TENM4: variants seen among roughly 807,000 people sequenced by gnomAD.
TENM4 encodes teneurin transmembrane protein 4.
In TENM4, 82 loss-of-function variants were observed where a neutral mutation model predicts 243.3. That is an observed-to-expected ratio of 0.34 (90% CI 0.28 to 0.40). The LOEUF is 0.40. TENM4 is among the 10% of genes least tolerant of loss of function. The pLI is 1.00. For missense variants in TENM4, 3,138 were observed against 3,673.3 expected (o/e 0.85, Z 3.77); for synonymous variants, 1,412 against 1,456.3 (o/e 0.97, Z 0.69).
At chr11:79,239,018 C>G (rs1864536547) in intron 2 of TENM4, among the ~76,000 whole-genome samples, 1 of 141,740 alleles carries the variant, frequency 7.1e-6, no homozygotes, top group Admixed American at 7.1e-5. Context: ...GAGCAAGACT[C>G]TGTCTCAAAC....
chr11:78,975,269 C>T lies in TENM4; in HGVS notation c.494-71746G>A, dbSNP rs560774490. 4.6e-5 allele frequency among the ~76,000 whole-genome samples: 7 copies of T among 152,036 alleles called. No individual in the cohort carries two copies. In the South Asian group the frequency reaches 1.5e-3, roughly 32 times the overall value. On this transcript the variant is annotated intron_variant, in intron 6 of 33. Transcript: ENST00000278550. ...TGTCTCACAGATTGTTCTAACCTTGCCCACGCGCTGCCTCCAGAGGGGTGT... is the reference window on the plus strand; with the variant it reads ...TGTCTCACAGATTGTTCTAACCTTGTCCACGCGCTGCCTCCAGAGGGGTGT...
intron 3 of TENM4, among the ~76,000 whole-genome samples, chr11:79,160,441 C>A (rs553664592): frequency 2.6e-5 from 4 of 152,012 alleles, no homozygotes; most frequent in African/African-American, 9.7e-5. Flanking sequence ...AGTCAGAGCT[C>A]GGGGGACTTG....
At chr11:78,736,316 C>T (rs563282318) in intron 20 of TENM4, among the ~76,000 whole-genome samples, 2 of 152,210 alleles carry the variant, frequency 1.3e-5, no homozygotes, top group Admixed American at 6.6e-5. Flanking sequence ...CATCTCTTGC[C>T]TGCTGTTCTT....
In TENM4 at chr11:79,177,068, A is replaced by G. The variant is rs921810137; in HGVS notation, c.-162-28262T>C. Reference sequence around the variant, plus strand: ...ATATGCAGACATGACCGTGCCACTTATCTGTTCTAAGCCCTAACATGGTGA... The same window carrying G: ...ATATGCAGACATGACCGTGCCACTTGTCTGTTCTAAGCCCTAACATGGTGA... On this transcript the variant is annotated intron_variant, in intron 3 of 33. Coordinates refer to ENST00000278550, the MANE Select transcript of TENM4 (RefSeq NM_001098816.3). Among the ~76,000 whole-genome samples the G allele has an allele frequency of 4.6e-5, 7 of 152,126 alleles. No individual in the cohort carries two copies. In the South Asian group the frequency reaches 1.2e-3, roughly 27 times the overall value.
chr11:78,768,957 G>C (rs553980088), intron 18 of TENM4, among the ~76,000 whole-genome samples: 4 of 152,338 alleles, frequency 2.6e-5, no homozygotes, highest in African/African-American at 9.6e-5. Flanking sequence ...GAATCAATGA[G>C]CCTTGTTCTA....
intron 6 of TENM4, among the ~76,000 whole-genome samples, chr11:79,063,273 G>A (rs1860147694): frequency 6.6e-6 from 1 of 152,196 alleles, no homozygotes; most frequent in African/African-American, 2.4e-5. Flanking sequence ...CCTCTTCAGA[G>A]ACTAACCCCT....
intron 12 of TENM4, among the ~76,000 whole-genome samples, chr11:78,832,764 A>C (rs1315983140): frequency 6.6e-6 from 1 of 152,250 alleles, no homozygotes; most frequent in Non-Finnish European, 1.5e-5. Context: ...TGTAGCTAGT[A>C]AGAGCAGGTG....
At chr11:79,413,044 G>C (rs1858735623) in intron 1 of TENM4, among the ~76,000 whole-genome samples, 2 of 152,138 alleles carry the variant, frequency 1.3e-5, no homozygotes, top group African/African-American at 4.8e-5. Flanking sequence ...CTAATGATGT[G>C]GTAATAACTA....
intron 3 of TENM4, among the ~76,000 whole-genome samples, chr11:79,154,458 C>T (rs746123548): frequency 3.3e-4 from 50 of 152,158 alleles, no homozygotes; most frequent in Non-Finnish European, 7.4e-4. Context: ...CTGGAGGTCA[C>T]ATTTCAACAT....
intron 1 of TENM4, among the ~76,000 whole-genome samples, chr11:79,407,419 A>G (rs756000242): frequency 6.6e-6 from 1 of 152,274 alleles, no homozygotes. Context: ...TTAGATATTT[A>G]TGATATGCTT....
intron 1 of TENM4, among the ~76,000 whole-genome samples, chr11:79,303,785 G>C (rs1415397805): frequency 1.3e-5 from 2 of 152,160 alleles, no homozygotes; most frequent in African/African-American, 4.8e-5. Flanking sequence ...TAATAATCAT[G>C]ATTTATTTTT....
At chr11:78,761,937 G>A (rs1056255380) in intron 18 of TENM4, among the ~76,000 whole-genome samples, 1 of 152,188 alleles carries the variant, frequency 6.6e-6, no homozygotes, top group Non-Finnish European at 1.5e-5. Context: ...CAGGCCTGCT[G>A]TAGCTTGGGC....
chr11:78,995,841 C>T (rs1858160159), intron 6 of TENM4, among the ~76,000 whole-genome samples: 1 of 152,094 alleles, frequency 6.6e-6, no homozygotes, highest in African/African-American at 2.4e-5. Flanking sequence ...TGAAACCTTG[C>T]ATCGATCACT....
intron 4 of TENM4, among the ~76,000 whole-genome samples, chr11:79,075,183 C>T (rs1025368948): frequency 9.2e-5 from 14 of 152,250 alleles, no homozygotes; most frequent in Non-Finnish European, 8.8e-5. Flanking sequence ...ATTTAGTTCT[C>T]ATCATTTCTA....
At chr11:78,896,374 A>G (rs2136309896) in intron 7 of TENM4, among the ~76,000 whole-genome samples, 1 of 152,078 alleles carries the variant, frequency 6.6e-6, no homozygotes, top group Admixed American at 6.5e-5. Flanking sequence ...AAAAAAATGA[A>G]CCAGGCACCA....
intron 15 of TENM4, among the ~76,000 whole-genome samples, chr11:78,794,563 A>G (rs940552600): frequency 6.6e-6 from 1 of 152,248 alleles, no homozygotes; most frequent in African/African-American, 2.4e-5. Context: ...GATCAGGAGC[A>G]TGATGTGATT....
chr11:78,887,026 T>TAC (rs979777627), intron 9 of TENM4, among the ~76,000 whole-genome samples: 6 of 152,192 alleles, frequency 3.9e-5, no homozygotes, highest in Non-Finnish European at 7.4e-5. Context: ...CCTCTACCCT[T>TAC]ACCTTTCTAA....
intron 15 of TENM4, among the ~76,000 whole-genome samples, chr11:78,803,530 T>C (rs1411633153): frequency 6.6e-6 from 1 of 152,214 alleles, no homozygotes; most frequent in Non-Finnish European, 1.5e-5. Flanking sequence ...GGTTCTCTCT[T>C]GCCTTTGCAC....
intron 1 of TENM4, among the ~76,000 whole-genome samples, chr11:79,358,617 T>TCCTG (rs1478591487): frequency 3.3e-5 from 5 of 151,780 alleles, no homozygotes. Flanking sequence ...CTTCCTCCCT[T>TCCTG]CCTGCCTGCC....
Sources: allele counts gnomAD v4.1 joint callset (sites outside exome capture counted in the v4.1 genomes callset), GRCh38; gene constraint gnomAD v4.1.1; transcripts MANE v1.5; gene names NCBI Gene and HGNC (gene_info 2026-07-23, HGNC 2026-07-21).